DLGAP2: variants seen among roughly 807,000 people sequenced by gnomAD.
DLGAP2 encodes DLG associated protein 2, also known as disks large-associated protein 2.
Under a neutral mutation model 100.3 loss-of-function variants are expected in DLGAP2, and 26 were observed. The observed-to-expected ratio is 0.26, with a 90% confidence interval of 0.19 to 0.36. The LOEUF (loss-of-function observed/expected upper bound fraction) is 0.36. DLGAP2 is among the 10% of genes least tolerant of loss of function. The pLI is 1.00. For synonymous variants in DLGAP2, 886 were observed against 630.1 expected (o/e 1.41, Z -6.08); for missense variants, 1,858 against 1,453.2 (o/e 1.28, Z -4.53).
At chr8:1,265,028 G>A (rs1799424685) in intron 3 of DLGAP2, among the ~76,000 whole-genome samples, 2 of 152,144 alleles carry the variant, frequency 1.3e-5, no homozygotes, top group South Asian at 2.1e-4. Flanking sequence ...CAGCCAAGTG[G>A]AAATCTGAGT....
chr8:1,565,306 T>C (rs1802352660), intron 5 of DLGAP2, among the ~76,000 whole-genome samples: 1 of 622 alleles, frequency 1.6e-3, no homozygotes, highest in African/African-American at 8.3e-3. Flanking sequence ...CTTGTTTTCT[T>C]TTTTTTTTTT....
intron 2 of DLGAP2, among the ~76,000 whole-genome samples, chr8:1,189,142 G>C (rs986916108): frequency 6.3e-5 from 9 of 143,926 alleles, no homozygotes; most frequent in Non-Finnish European, 8.9e-5. Context: ...TCCGCTGTTG[G>C]GGTTGAGCAT....
intron 2 of DLGAP2, among the ~76,000 whole-genome samples, chr8:1,139,554 T>C (rs758219396): frequency 2.1e-4 from 32 of 152,290 alleles, no homozygotes; most frequent in Non-Finnish European, 4.1e-4. Flanking sequence ...CCCAAAGCCA[T>C]CACCTTGGGG....
At chr8:1,184,079 T>C (rs1372052502) in intron 2 of DLGAP2, among the ~76,000 whole-genome samples, 1 of 152,216 alleles carries the variant, frequency 6.6e-6, no homozygotes, top group African/African-American at 2.4e-5. Flanking sequence ...AGCAGTGTGT[T>C]TGCGTTGTGT....
At chr8:1,046,316 G>A (rs1802514373) in intron 2 of DLGAP2, among the ~76,000 whole-genome samples, 1 of 152,194 alleles carries the variant, frequency 6.6e-6, no homozygotes, top group Non-Finnish European at 1.5e-5. Flanking sequence ...AAGTGTGCAT[G>A]TGACCGAGGG....
intron 2 of DLGAP2, among the ~76,000 whole-genome samples, chr8:1,130,641 C>T (rs1399400408): frequency 2.0e-5 from 3 of 152,368 alleles, no homozygotes; most frequent in Non-Finnish European, 4.4e-5. Flanking sequence ...AAGCGTGGCA[C>T]GGACCAGAGG....
chr8:1,051,085 TTTG>T (rs1802671991), intron 2 of DLGAP2, among the ~76,000 whole-genome samples: 2 of 150,796 alleles, frequency 1.3e-5, no homozygotes, highest in Non-Finnish European at 3.0e-5. Context: ...GTGGGGTCTT[TTTG>T]TGGGCAGGGG....
At chr8:815,368 G>T (rs1174738158) in intron 1 of DLGAP2, among the ~76,000 whole-genome samples, 2 of 152,188 alleles carry the variant, frequency 1.3e-5, no homozygotes, top group Non-Finnish European at 2.9e-5. Flanking sequence ...CATCTGTGGA[G>T]GCTTTGCCCT....
chr8:1,070,877 C>T (rs1475097031), intron 2 of DLGAP2, among the ~76,000 whole-genome samples: 1 of 152,230 alleles, frequency 6.6e-6, no homozygotes, highest in African/African-American at 2.4e-5. Context: ...CTCCAGACCC[C>T]ACAATTGCCG....
chr8:1,179,803 C>T (rs181557438), intron 2 of DLGAP2, among the ~76,000 whole-genome samples: 19 of 152,202 alleles, frequency 1.2e-4, no homozygotes, highest in Admixed American at 3.9e-4. Context: ...TTAGGGTTCA[C>T]GGCATACCCT....
chr8:1,378,491 G>GCCTCACCTGTCTTTCCTGCGCACACCTGA (rs1796015456), intron 3 of DLGAP2, among the ~76,000 whole-genome samples: 2 of 127,882 alleles, frequency 1.6e-5, no homozygotes, highest in Non-Finnish European at 3.3e-5. Context: ...CACACACCTG[G>GCCTCACCTGTCTTTCCTGCGCACACCTGA]CCTCACCTGT....
intron 1 of DLGAP2, among the ~76,000 whole-genome samples, chr8:874,028 C>T (rs1302476540): frequency 1.3e-5 from 2 of 152,004 alleles, no homozygotes; most frequent in Non-Finnish European, 2.9e-5. Context: ...CTGTACAATC[C>T]TTGTTATTTA....
intron 2 of DLGAP2, among the ~76,000 whole-genome samples, chr8:1,166,689 C>G (rs1797022911): frequency 6.6e-6 from 1 of 152,064 alleles, no homozygotes; most frequent in Non-Finnish European, 1.5e-5. Context: ...ATTTAATCAC[C>G]CCACATTGTG....
rs572361157 is a variant in DLGAP2 at position 1,007,170 on chromosome 8, C to A, written c.73+99204C>A. Among the ~76,000 whole-genome samples, 45 of 152,268 alleles carry A rather than the reference C, an allele frequency of 3.0e-4. 1 individual carries two copies. In the South Asian group the frequency reaches 9.1e-3, roughly 31 times the overall value. ...GTCGGGTATGCCGTGTATATGAAGT[C>A]TCGGGATGTGGTCCTTTATCATGTC... On this transcript the variant is annotated intron_variant, in intron 2 of 14. Transcript: ENST00000637795.
At chr8:823,400 T>C (rs1461626863) in intron 1 of DLGAP2, among the ~76,000 whole-genome samples, 2 of 152,120 alleles carry the variant, frequency 1.3e-5, no homozygotes, top group Admixed American at 1.3e-4. Context: ...CAACTCTCCA[T>C]TGAAACTCCC....
rs553635679 is a variant in DLGAP2, at chr8:779,416, A to G, written c.18+41591A>G. Among the ~76,000 whole-genome samples the G allele has an allele frequency of 5.3e-5, 8 of 151,138 alleles. 1 individual carries two copies. The South Asian group carries it at 1.7e-3, about 32-fold the overall frequency. The stretch of plus-strand genomic sequence containing the variant: ...TGCACCTACACTGGGGGCTCAACAC[A>G]GTTCAGTCCAGAGCATGCTTTTCTC... On this transcript the variant is annotated intron_variant, in intron 1 of 14. Transcript: ENST00000637795.
intron 1 of DLGAP2, among the ~76,000 whole-genome samples, chr8:844,350 A>C (rs1183619408): frequency 1.3e-5 from 2 of 152,242 alleles, no homozygotes; most frequent in Non-Finnish European, 1.5e-5. Context: ...CTCAGTTTTC[A>C]TGAAGGGAGC....
At chr8:1,517,141 C>A (rs921457470) in intron 4 of DLGAP2, among the ~76,000 whole-genome samples, 1 of 152,098 alleles carries the variant, frequency 6.6e-6, no homozygotes, top group African/African-American at 2.4e-5. Flanking sequence ...GCTGGGGACC[C>A]CCATGGCTGT....
intron 4 of DLGAP2, among the ~76,000 whole-genome samples, chr8:1,514,018 G>A (rs796813452): frequency 7.2e-5 from 11 of 152,292 alleles, no homozygotes; most frequent in Non-Finnish European, 1.0e-4. Context: ...GTTATCTTAC[G>A]TGATATGGGG....
Sources: allele counts gnomAD v4.1 joint callset (sites outside exome capture counted in the v4.1 genomes callset), GRCh38; gene constraint gnomAD v4.1.1; transcripts MANE v1.5; gene names NCBI Gene and HGNC (gene_info 2026-07-23, HGNC 2026-07-21).